Variants in TTC29 observed in about 807,000 individuals in gnomAD.
The protein encoded by TTC29 is tetratricopeptide repeat domain 29.
In TTC29, 49 loss-of-function variants were observed where a neutral mutation model predicts 58.1. The ratio of observed to expected loss-of-function variants is 0.84; its 90% confidence interval spans 0.67 to 1.07. The LOEUF (loss-of-function observed/expected upper bound fraction) is 1.07. TTC29 is among the 50% of genes least tolerant of loss of function. The pLI is 0.00. For missense variants in TTC29, 582 were observed against 555.6 expected (o/e 1.05, Z -0.48); for synonymous variants, 209 against 196.8 (o/e 1.06, Z -0.52).
intron 11 of TTC29, among the ~76,000 whole-genome samples, chr4:146,751,891 A>T (rs962758073): frequency 1.3e-5 from 2 of 152,200 alleles, no homozygotes; most frequent in African/African-American, 4.8e-5. Context: ...AATCAATGAA[A>T]CTAAGACCTG....
At chr4:146,821,065 A>G (rs1177209846) in intron 9 of TTC29, among the ~76,000 whole-genome samples, 1 of 152,138 alleles carries the variant, frequency 6.6e-6, no homozygotes, top group South Asian at 2.1e-4. Context: ...ATGTTGCAAC[A>G]TGGATGAAAC....
chr4:146,853,983 A>G (rs1339682393), intron 8 of TTC29, among the ~76,000 whole-genome samples: 1 of 151,948 alleles, frequency 6.6e-6, no homozygotes, highest in African/African-American at 2.4e-5. Flanking sequence ...CCTGGAAGCA[A>G]CTCTTAACCA....
intron 11 of TTC29, among the ~76,000 whole-genome samples, chr4:146,722,563 G>T (rs1306731273): frequency 6.6e-6 from 1 of 151,910 alleles, no homozygotes. Flanking sequence ...ACAAAAATAA[G>T]CAATGGAAAA....
At chr4:146,857,442 T>C (rs865892245) in intron 8 of TTC29, among the ~76,000 whole-genome samples, 2 of 152,192 alleles carry the variant, frequency 1.3e-5, no homozygotes, top group Middle Eastern at 6.8e-3. Flanking sequence ...ATGAAAACTC[T>C]GATGTAAAGC....
intron 11 of TTC29, among the ~76,000 whole-genome samples, chr4:146,759,543 A>G (rs1173367788): frequency 2.0e-5 from 3 of 152,108 alleles, no homozygotes; most frequent in Non-Finnish European, 4.4e-5. Flanking sequence ...TTAACAAAAT[A>G]TTTGCTAACT....
At position 146,820,115 on chromosome 4, in the gene TTC29, A is replaced by G. The variant is rs1203164945; in HGVS notation, c.1101+10T>C. ...AAATTTCTCTATAAACAAGAAACAC[A>G]TAGACTCACTTTTTCATTGTAGATG... On this transcript the variant is annotated intron_variant, in intron 10 of 12. Transcript: ENST00000325106. 6.2e-7 allele frequency: 1 copy of G among 1,612,184 alleles called. No individual in the cohort carries two copies. Among genetic ancestry groups the G allele is most frequent in the South Asian group, 1.1e-5 (1 of 91,020 alleles).
rs571537975 is a variant in TTC29, at chr4:146,818,312, A to G, written c.1101+1813T>C. On this transcript the variant is annotated intron_variant, in intron 10 of 12. Coordinates refer to ENST00000325106, the MANE Select transcript of TTC29 (RefSeq NM_031956.4). ...ACTTCTCAAAAGAAGACATTTATGC[A>G]GCCAAAATACACATGAGAAAATGCT... Among the ~76,000 whole-genome samples, 5 of 152,374 alleles carry G rather than the reference A, an allele frequency of 3.3e-5. No individual in the cohort carries two copies. The East Asian group carries it at 9.6e-4, about 29-fold the overall frequency.
At chr4:146,932,228 C>T (rs1218260469) in intron 4 of TTC29, among the ~76,000 whole-genome samples, 1 of 152,088 alleles carries the variant, frequency 6.6e-6, no homozygotes, top group African/African-American at 2.4e-5. Context: ...TTTTAGAGCA[C>T]CAAAATCTTC....
intron 11 of TTC29, among the ~76,000 whole-genome samples, chr4:146,715,340 G>A (rs1245864734): frequency 6.6e-6 from 1 of 152,108 alleles, no homozygotes; most frequent in Non-Finnish European, 1.5e-5. Flanking sequence ...ATCTACAATA[G>A]GTAAGATATG....
At chr4:146,865,422 A>G (rs562507961) in intron 8 of TTC29, among the ~76,000 whole-genome samples, 1 of 152,214 alleles carries the variant, frequency 6.6e-6, no homozygotes, top group African/African-American at 2.4e-5. Context: ...CCAAATTAAC[A>G]CAGGAACAGA....
In TTC29 at chr4:146,846,050, A is replaced by G. The variant is rs148297749; in HGVS notation, c.886-12153T>C. Among the ~76,000 whole-genome samples, 692 of 152,310 alleles carry G rather than the reference A, an allele frequency of 4.5e-3. 5 individuals are homozygous for G. Among genetic ancestry groups the G allele is most frequent in the African/African-American group, 0.016 (650 of 41,556 alleles). ...CTTGGGAGGTACTAGTAGTACCTGT[A>G]GAAACATTAACATGGCTATAACAAA... On this transcript the variant is annotated intron_variant, in intron 8 of 12. Coordinates refer to ENST00000325106, the MANE Select transcript of TTC29 (RefSeq NM_031956.4).
At chr4:146,836,479 A>C (rs981619182) in intron 8 of TTC29, among the ~76,000 whole-genome samples, 1 of 152,120 alleles carries the variant, frequency 6.6e-6, no homozygotes, top group African/African-American at 2.4e-5. Flanking sequence ...AGAGGAGTGC[A>C]TATAGGTGAA....
chr4:146,734,453 G>A (rs1744574859), intron 11 of TTC29, among the ~76,000 whole-genome samples: 1 of 152,102 alleles, frequency 6.6e-6, no homozygotes, highest in Non-Finnish European at 1.5e-5. Context: ...CCTGAGTTCT[G>A]TGAGCCACTC....
intron 3 of TTC29, among the ~76,000 whole-genome samples, chr4:146,938,071 A>G (rs1736010289): frequency 6.6e-6 from 1 of 152,166 alleles, no homozygotes; most frequent in African/African-American, 2.4e-5. Flanking sequence ...TCAAATGTGT[A>G]ACGTGAATTT....
At chr4:146,742,387 G>T (rs1193040776) in intron 11 of TTC29, among the ~76,000 whole-genome samples, 1 of 152,150 alleles carries the variant, frequency 6.6e-6, no homozygotes, top group African/African-American at 2.4e-5. Flanking sequence ...TAGAGGGACA[G>T]GTGAGAATTC....
intron 10 of TTC29, among the ~76,000 whole-genome samples, chr4:146,806,489 T>G (rs1750624716): frequency 6.6e-6 from 1 of 152,040 alleles, no homozygotes; most frequent in African/African-American, 2.4e-5. Flanking sequence ...AGGAGACCCA[T>G]CTCATGTGCA....
chr4:146,820,605 C>A (rs1040367407), intron 9 of TTC29, among the ~76,000 whole-genome samples: 2 of 152,066 alleles, frequency 1.3e-5, no homozygotes, highest in African/African-American at 4.8e-5. Context: ...CACAAAAAGT[C>A]ATATACATGA....
intron 4 of TTC29, among the ~76,000 whole-genome samples, chr4:146,925,497 CTAATT>C (rs935747578): frequency 5.3e-5 from 8 of 152,112 alleles, no homozygotes; most frequent in Middle Eastern, 3.4e-3. Flanking sequence ...TTTGAGATCT[CTAATT>C]TGTTTTCTCT....
At chr4:146,822,449 T>C (rs951552515) in intron 9 of TTC29, among the ~76,000 whole-genome samples, 1 of 152,208 alleles carries the variant, frequency 6.6e-6, no homozygotes, top group African/African-American at 2.4e-5. Flanking sequence ...TATTCCATGG[T>C]GTATATGTAC....
Sources: allele counts gnomAD v4.1 joint callset (sites outside exome capture counted in the v4.1 genomes callset), GRCh38; gene constraint gnomAD v4.1.1; transcripts MANE v1.5; gene names NCBI Gene and HGNC (gene_info 2026-07-23, HGNC 2026-07-21).